Variants in SQLE observed in about 807,000 individuals in gnomAD.
SQLE encodes squalene epoxidase.
SQLE carries 29 observed loss-of-function variants against 60.7 expected under a neutral mutation model. The ratio of observed to expected loss-of-function variants is 0.48; its 90% CI spans 0.36 to 0.65. The LOEUF is 0.65. Ranked by LOEUF, SQLE falls within the 30% of genes least tolerant of loss-of-function variation. The pLI is 0.00. For missense variants in SQLE, 605 were observed against 684.1 expected (o/e 0.88, Z 1.29); for synonymous variants, 237 against 246.8 (o/e 0.96, Z 0.37).
At chr8:125,004,310 A>C (rs559168938) in intron 2 of SQLE, among the ~76,000 whole-genome samples, 41 of 152,288 alleles carry the variant, frequency 2.7e-4, no homozygotes, top group African/African-American at 9.6e-4. Context: ...GTAACACTAT[A>C]GTGAACCTAT....
rs371975675 is a variant in SQLE at position 125,012,306 on chromosome 8, C to T, written c.1204+674C>T. Among the ~76,000 whole-genome samples, 11 of 152,282 alleles carry T rather than the reference C, an allele frequency of 7.2e-5. No homozygotes were observed. The East Asian group carries it at 1.7e-3, about 24-fold the overall frequency. On this transcript the variant is annotated intron_variant, in intron 7 of 10. Coordinates refer to ENST00000265896, the MANE Select transcript of SQLE (RefSeq NM_003129.4). ...AATCAGTTTGCCCATTTAAAGTGTACAGTACAGTGACTTTTTTAGTATATT... is the reference window on the plus strand; with the variant it reads ...AATCAGTTTGCCCATTTAAAGTGTATAGTACAGTGACTTTTTTAGTATATT...
In SQLE at chr8:124,999,727, C is replaced by CTTA. The variant is rs759928677; in HGVS notation, c.291+36_291+38dup. 2.0e-6 allele frequency: 3 copies of CTTA among 1,537,094 alleles called. No homozygotes were observed. The Admixed American group carries it at 6.4e-5, about 33-fold the overall frequency. On this transcript the variant is annotated intron_variant, in intron 1 of 10. Transcript: ENST00000265896. ...GATTTCAAAGCGGGCAGATGAATGT[C>CTTA]TTATTTAGGAGTAGGATTGGGTTCA...
Position 125,022,021 on chromosome 8 carries a change from A to G in SQLE, c.*76A>G. Reference sequence around the variant, plus strand: ...AAGAGACTTTTGGAAGAGGATATATATAGCATAGTACCATACCACTTATAA... The same window carrying G: ...AAGAGACTTTTGGAAGAGGATATATGTAGCATAGTACCATACCACTTATAA... On this transcript the variant is annotated 3_prime_UTR_variant, in exon 11 of 11. Coordinates refer to ENST00000265896, the MANE Select transcript of SQLE (RefSeq NM_003129.4). The G allele has an allele frequency of 8.8e-7, 1 of 1,131,532 alleles. No homozygotes were observed. The highest frequency in any genetic ancestry group is 1.8e-5 in the South Asian group (1 of 55,618). 70.1% of individuals were successfully genotyped at this position (1,131,532 alleles called of 1,614,324 possible). A position where few individuals can be genotyped will look rare whatever the true frequency, so the allele number is the denominator to read the frequency against.
rs1026997258 is a variant in SQLE at position 125,016,105 on chromosome 8, C to T, written c.1205-1954C>T. Among the ~76,000 whole-genome samples, 5 of 152,066 alleles carry T rather than the reference C, an allele frequency of 3.3e-5. No homozygotes were observed. The highest frequency in any genetic ancestry group is 1.2e-4 in the African/African-American group (5 of 41,402). ...GGATTAAATCAATCACCAATCCTTG[C>T]TTGGTGTTCTGTAGCTTTCTTGTGC... On this transcript the variant is annotated intron_variant, in intron 7 of 10. Coordinates refer to ENST00000265896, the MANE Select transcript of SQLE (RefSeq NM_003129.4). The surrounding 1 kb of genome is among the most constrained non-coding windows in gnomAD (Gnocchi z 4.1).
At position 125,022,198 on chromosome 8, in the gene SQLE, CTAATGCTGA is replaced by C. The variant is rs1340578991; in HGVS notation, c.*254_*262del. On this transcript the variant is annotated 3_prime_UTR_variant, in exon 11 of 11. Coordinates refer to ENST00000265896, the MANE Select transcript of SQLE (RefSeq NM_003129.4). ...AAATGATTGTTACCATAAATTAGTG[CTAATGCTGA>C]GGAGAACTACAGTTTTTCTTTTGAA... 1 of 258,798 alleles carries C rather than the reference CTAATGCTGA, an allele frequency of 3.9e-6. No individual in the cohort carries two copies. The highest frequency in any genetic ancestry group is 2.2e-5 in the African/African-American group (1 of 45,396). 16.0% of individuals were successfully genotyped at this position (258,798 alleles called of 1,614,324 possible).
chr8:125,017,117 G>T (rs955242776), intron 7 of SQLE, among the ~76,000 whole-genome samples: 1 of 152,032 alleles, frequency 6.6e-6, no homozygotes, highest in Non-Finnish European at 1.5e-5. Flanking sequence ...GGTGATGACT[G>T]CCTGGTCACC....
At chr8:125,005,728 A>G (rs1323691736) in intron 3 of SQLE, 23 bp downstream of exon 3, 6 of 1,506,980 alleles carry the variant, frequency 4.0e-6, no homozygotes, top group South Asian at 2.7e-5. Flanking sequence ...TTTCAAATAT[A>G]TAATTACTAA....
At chr8:125,001,250 A>G (rs1814843694) in intron 1 of SQLE, among the ~76,000 whole-genome samples, 1 of 152,118 alleles carries the variant, frequency 6.6e-6, no homozygotes, top group South Asian at 2.1e-4. Flanking sequence ...TGCTGTGTAG[A>G]GAAATTTTGG....
At chr8:125,012,091 G>C (rs1387344250) in intron 7 of SQLE, among the ~76,000 whole-genome samples, 1 of 151,892 alleles carries the variant, frequency 6.6e-6, no homozygotes, top group East Asian at 1.9e-4. Context: ...GGAACTTCTA[G>C]GTAGATGGAA....
At chr8:125,001,998 A>T (rs1814863715) in intron 1 of SQLE, among the ~76,000 whole-genome samples, 1 of 152,208 alleles carries the variant, frequency 6.6e-6, no homozygotes, top group Non-Finnish European at 1.5e-5. Flanking sequence ...TAGTGGTCAT[A>T]AATCTCTCAA....
intron 2 of SQLE, 128 bp downstream of exon 2, chr8:125,003,556 C>G: frequency 8.6e-7 from 1 of 1,161,154 alleles, no homozygotes; most frequent in Non-Finnish European, 1.2e-6. Context: ...TACTCATTTA[C>G]CAACAAATTT....
chr8:125,009,716 A>AC (rs954660565), intron 6 of SQLE, among the ~76,000 whole-genome samples: 1 of 151,888 alleles, frequency 6.6e-6, no homozygotes, highest in Non-Finnish European at 1.5e-5. Context: ...AATCGCTTGA[A>AC]CGGGAGGCAG....
At position 125,009,149 on chromosome 8, in the gene SQLE, C is replaced by T. The variant is rs369567466; in HGVS notation, c.937-23C>T. On this transcript the variant is annotated intron_variant, in intron 5 of 10. Transcript: ENST00000265896. Reference sequence around the variant, plus strand: ...ACTTGAAATTTGAAAATTATTAAAACATTTTCTTTTTATTTGTTTTAGAAT... The same window carrying T: ...ACTTGAAATTTGAAAATTATTAAAATATTTTCTTTTTATTTGTTTTAGAAT... The T allele has an allele frequency of 2.7e-5, 42 of 1,574,090 alleles. No homozygotes were observed. The African/African-American group carries it at 5.5e-4, about 21-fold the overall frequency.
chr8:125,021,621 C>T, intron 10 of SQLE, 132 bp from the exon 11 acceptor site: 1 of 619,558 alleles, frequency 1.6e-6, no homozygotes, highest in Non-Finnish European at 2.6e-6. Context: ...TAGAATGTTT[C>T]ATACAGAATT....
rs1360726298 is a variant in SQLE at position 124,999,468 on chromosome 8, C to T, written c.65C>T (p.Thr22Ile). The T allele has an allele frequency of 9.6e-6, 15 of 1,566,410 alleles. No individual in the cohort carries two copies. The highest frequency in any genetic ancestry group is 4.6e-5 in the East Asian group (2 of 43,470). ...TATAAGAAGTTCGGGGACTTCATCA[C>T]TTTGGCCAACAGGGAGGTCCTGTTG... ...YFYKKFGDFI[T>I]LANREVLLCV... The change falls in exon 1 of 11, where the codon ACT (threonine) becomes ATT (isoleucine). Residue 22 changes from threonine to isoleucine, a missense_variant. Transcript: ENST00000265896.
chr8:125,021,251 AT>A (rs2129915323), intron 10 of SQLE, among the ~76,000 whole-genome samples: 1 of 152,282 alleles, frequency 6.6e-6, no homozygotes, highest in South Asian at 2.1e-4. Context: ...GTACAGACAT[AT>A]GTGGAACTAT....
At chr8:125,002,221 G>T (rs928509763) in intron 1 of SQLE, among the ~76,000 whole-genome samples, 3 of 151,964 alleles carry the variant, frequency 2.0e-5, no homozygotes, top group Non-Finnish European at 4.4e-5. Flanking sequence ...TCTAAGAGTC[G>T]GTATGAGTTA....
intron 7 of SQLE, among the ~76,000 whole-genome samples, chr8:125,015,844 T>G (rs545850643): frequency 7.9e-5 from 12 of 152,356 alleles, no homozygotes; most frequent in Middle Eastern, 3.4e-3. Context: ...TTCTCCTTCA[T>G]GTTTGAAGGA....
intron 3 of SQLE, among the ~76,000 whole-genome samples, chr8:125,006,585 C>T (rs913614172): frequency 2.4e-4 from 35 of 144,696 alleles, no homozygotes; most frequent in South Asian, 1.3e-3. Flanking sequence ...AGCGCCACTG[C>T]ACTCCAGCCT....
Sources: gnomAD v4.1 joint callset for allele counts (sites outside exome capture counted in the v4.1 genomes callset) on GRCh38, gnomAD v4.1.1 for gene constraint, Gnocchi (gnomAD v3.1) non-coding constraint, MANE v1.5 for transcripts, NCBI Gene and HGNC (gene_info 2026-07-23, HGNC 2026-07-21) for gene names.